RFNG: variants seen among roughly 807,000 people sequenced by gnomAD.
RFNG encodes beta-1,3-N-acetylglucosaminyltransferase radical fringe.
A neutral mutation model predicts 29.6 loss-of-function variants in RFNG; 37 were observed. The observed-to-expected ratio is 1.25, with a 90% confidence interval of 0.96 to 1.65. RFNG has a LOEUF of 1.65. Among genes scored for constraint, RFNG ranks in the 40% most tolerant of loss-of-function variants. The probability of loss-of-function intolerance (pLI) is 0.00; values close to 1 mark genes in which losing one functional copy is unlikely to be tolerated. For missense variants in RFNG, 546 were observed against 457.0 expected (o/e 1.19, Z -1.78); for synonymous variants, 276 against 197.3 (o/e 1.40, Z -3.34).
intron 4 of RFNG, 128 bp from the exon 5 acceptor site, chr17:82,050,134 T>C (rs2030243077): frequency 2.2e-6 from 2 of 929,300 alleles, no homozygotes; most frequent in Admixed American, 2.4e-5. Context: ...AGAAGCTTCT[T>C]GGAGCAAAAA....
At chr17:82,050,229 G>T in intron 4 of RFNG, 173 bp downstream of exon 4, 1 of 862,716 alleles carries the variant, frequency 1.2e-6, no homozygotes, top group South Asian at 1.8e-5. Context: ...GCCCAGTACG[G>T]TGAGGGCCTC....
chr17:82,048,551 G>A lies in RFNG; in HGVS notation c.*175C>T, dbSNP rs12452625. On this transcript the variant is annotated 3_prime_UTR_variant, in exon 8 of 8. Coordinates refer to ENST00000310496, the MANE Select transcript of RFNG (RefSeq NM_002917.2). ...TCGTTCTCCCAAAACACCCATCACC[G>A]CAGCCCACCAGGGGCTGGGAGAGGG... 0.022 allele frequency: 13,629 copies of A among 619,702 alleles called. 883 individuals carry two copies. Among genetic ancestry groups the A allele is most frequent in the East Asian group, 0.16 (5,889 of 36,668 alleles). The allele number at this position is 619,702 out of a possible 1,614,324, so 38.4% of individuals were successfully genotyped here.
Position 82,049,124 on chromosome 17 carries a change from G to T in RFNG, c.829-8C>A, listed in dbSNP as rs753078716. 1.9e-6 allele frequency: 3 copies of T among 1,611,192 alleles called. No homozygotes were observed. The highest frequency in any genetic ancestry group is 1.7e-5 in the Admixed American group (1 of 59,942). On this transcript the variant is annotated splice_region_variant and splice_polypyrimidine_tract_variant and intron_variant, in intron 6 of 7. Transcript: ENST00000310496. ...CCCATGGCTCAAGGTAACCTGGGAG[G>T]GAAGGGTGTGGGCAGAGTGTGTGGC...
intron 4 of RFNG, 27 bp from the exon 5 acceptor site, chr17:82,050,033 G>T: frequency 6.4e-7 from 1 of 1,567,952 alleles, no homozygotes; most frequent in Non-Finnish European, 8.7e-7. Flanking sequence ...GGTCAGAGCT[G>T]CCCAGGACAG....
In RFNG at chr17:82,049,274, C is replaced by T. The variant is rs571779937; in HGVS notation, c.829-158G>A. The T allele has an allele frequency of 7.0e-6, 5 of 718,748 alleles. No homozygotes were observed. In the East Asian group the frequency reaches 1.3e-4, roughly 19 times the overall value. The allele number at this position is 718,748 out of a possible 1,614,324, so 44.5% of individuals were successfully genotyped here. A position where few individuals can be genotyped will look rare whatever the true frequency, so the allele number is the denominator to read the frequency against. ...AAACAGCATTGAAGCATGGCATGAGCTGAGTAGGGGGACACCTCAGGCAGA... is the reference window on the plus strand; with the variant it reads ...AAACAGCATTGAAGCATGGCATGAGTTGAGTAGGGGGACACCTCAGGCAGA... On this transcript the variant is annotated intron_variant, in intron 6 of 7. Transcript: ENST00000310496.
chr17:82,050,617 C>T (rs2030364259), intron 3 of RFNG, 45 bp downstream of exon 3: 1 of 1,608,780 alleles, frequency 6.2e-7, no homozygotes, highest in Middle Eastern at 1.7e-4. Context: ...GGCCCCCACC[C>T]AGCTTGGCTC....
chr17:82,049,145 G>A (rs768388553), intron 6 of RFNG, 29 bp from the exon 7 acceptor site: 10 of 1,583,988 alleles, frequency 6.3e-6, no homozygotes, highest in Admixed American at 1.7e-5. Context: ...GGCAGAGTGT[G>A]TGGCCTGGTC....
intron 2 of RFNG, 149 bp from the exon 3 acceptor site, chr17:82,050,913 C>A: frequency 1.4e-6 from 2 of 1,400,258 alleles, no homozygotes; most frequent in South Asian, 2.9e-5. Flanking sequence ...CAGCCCTAGC[C>A]CTCACGCGCT....
chr17:82,050,612 C>T (rs765306815), intron 3 of RFNG, 50 bp downstream of exon 3: 5 of 1,608,560 alleles, frequency 3.1e-6, no homozygotes, highest in East Asian at 4.5e-5. Flanking sequence ...CAGGAGGCCC[C>T]CACCCAGCTT....
In RFNG at chr17:82,051,614, A is replaced by T; in HGVS notation, c.153T>A (p.Ala51=). 2 of 1,212,784 alleles carry T rather than the reference A, an allele frequency of 1.6e-6. No individual in the cohort carries two copies. Among genetic ancestry groups the T allele is most frequent in the Non-Finnish European group, 2.1e-6 (2 of 973,460 alleles). 75.1% of individuals were successfully genotyped at this position (1,212,784 alleles called of 1,614,324 possible). A position where few individuals can be genotyped will look rare whatever the true frequency, so the allele number is the denominator to read the frequency against. ...CGTCGTCAGGCCGCAGGCTGGGGGCAGCGGGCCGGGACGGGGGCGCGCGCG... is the reference window on the plus strand; with the variant it reads ...CGTCGTCAGGCCGCAGGCTGGGGGCTGCGGGCCGGGACGGGGGCGCGCGCG... The part of the protein sequence containing the change: ...PAPRAPPSRP[A]APSLRPDDVF... The change falls in exon 1 of 8, where the codon GCT becomes GCA. Residue 51 remains alanine (A), a synonymous_variant. Transcript: ENST00000310496. The surrounding 1 kb of genome is among the most constrained non-coding windows in gnomAD (Gnocchi z 4.1).
At chr17:82,050,880 G>A in intron 2 of RFNG, 116 bp from the exon 3 acceptor site, 5 of 1,417,234 alleles carry the variant, frequency 3.5e-6, no homozygotes, top group Non-Finnish European at 4.8e-6. Flanking sequence ...GACATGCCTG[G>A]ACACCTTGCC....
In RFNG at chr17:82,047,907, T is replaced by C. The variant is rs2030033442; in HGVS notation, c.*819A>G. The C allele has an allele frequency of 6.6e-6, 1 of 151,854 alleles. No homozygotes were observed. Among genetic ancestry groups the C allele is most frequent in the South Asian group, 2.1e-4 (1 of 4,810 alleles). The allele number at this position is 151,854 out of a possible 1,614,324, so 9.4% of individuals were successfully genotyped here. A position where few individuals can be genotyped will look rare whatever the true frequency, so the allele number is the denominator to read the frequency against. Reference sequence around the variant, plus strand: ...TGACTAAGACAGGAGCCACGTGAAGTAAGAACAAAAGCTTTACTCGTGCTC... The same window carrying C: ...TGACTAAGACAGGAGCCACGTGAAGCAAGAACAAAAGCTTTACTCGTGCTC... On this transcript the variant is annotated 3_prime_UTR_variant, in exon 8 of 8. Transcript: ENST00000310496.
At position 82,051,562 on chromosome 17, in the gene RFNG, TC is replaced by T; in HGVS notation, c.204del (p.Lys69ArgfsTer83). ...AGCCGCAGGCGCGGCCCGTGGTTCT[TC>T]CGGGTGGTCTTGACGGCGATGAAGA... ...DDVFIAVKTT[R>X]KNHGPRLRLL... On this transcript the variant is annotated frameshift_variant, in exon 1 of 8. Coordinates refer to ENST00000310496, the MANE Select transcript of RFNG (RefSeq NM_002917.2). LOFTEE classifies it high-confidence loss of function. The surrounding 1 kb of genome is among the most constrained non-coding windows in gnomAD (Gnocchi z 4.1). 7.2e-7 allele frequency: 1 copy of T among 1,387,712 alleles called. No individual in the cohort carries two copies. The highest frequency in any genetic ancestry group is 9.4e-7 in the Non-Finnish European group (1 of 1,066,398). The allele number at this position is 1,387,712 out of a possible 1,614,324, so 86.0% of individuals were successfully genotyped here. A position where few individuals can be genotyped will look rare whatever the true frequency, so the allele number is the denominator to read the frequency against.
At chr17:82,048,842 G>GTA in intron 7 of RFNG, 35 bp from the exon 8 acceptor site, 5 of 1,583,946 alleles carry the variant, frequency 3.2e-6, no homozygotes, top group Admixed American at 3.3e-5. Context: ...AGGGCCGTGG[G>GTA]CGGAGAGAGA....
intron 4 of RFNG, 96 bp downstream of exon 4, chr17:82,050,306 G>T (rs946393649): frequency 1.4e-6 from 2 of 1,391,368 alleles, no homozygotes; most frequent in Non-Finnish European, 1.9e-6. Context: ...CCAACCCTAT[G>T]CCCTTCTCAA....
chr17:82,051,024 G>A lies in RFNG; in HGVS notation c.317-260C>T, dbSNP rs1240709018. ...AGCTCGCCCTGACCTGGCCTGGAAG[G>A]GCGGATTCCCTGCTGGCGCTTCTTC... On this transcript the variant is annotated intron_variant, in intron 2 of 7. Transcript: ENST00000310496. The surrounding 1 kb of genome is among the most constrained non-coding windows in gnomAD (Gnocchi z 4.1). 5 of 1,396,978 alleles carry A rather than the reference G, an allele frequency of 3.6e-6. No homozygotes were observed. The highest frequency in any genetic ancestry group is 1.5e-5 in the African/African-American group (1 of 68,688). The allele number at this position is 1,396,978 out of a possible 1,614,324, so 86.5% of individuals were successfully genotyped here. A position where few individuals can be genotyped will look rare whatever the true frequency, so the allele number is the denominator to read the frequency against.
At chr17:82,048,985 G>A (rs774884692) in intron 7 of RFNG, 46 bp downstream of exon 7, 23 of 1,575,694 alleles carry the variant, frequency 1.5e-5, no homozygotes, top group Non-Finnish European at 1.9e-5. Flanking sequence ...GCTGATGCCA[G>A]AGCCCCTGCG....
In RFNG at chr17:82,048,427, TGC is replaced by T; in HGVS notation, c.*297_*298del. 2.4e-6 allele frequency: 1 copy of T among 424,016 alleles called. No homozygotes were observed. The highest frequency in any genetic ancestry group is 4.4e-6 in the Non-Finnish European group (1 of 228,360). 26.3% of individuals were successfully genotyped at this position (424,016 alleles called of 1,614,324 possible). ...GCCCGGATGGCAGCTCCCTCCCAGG[TGC>T]GCAAGTGCTGGGGTGGAAGCCTGTT... On this transcript the variant is annotated 3_prime_UTR_variant, in exon 8 of 8. Transcript: ENST00000310496.
chr17:82,048,976 C>CAGCGGGGG, intron 7 of RFNG, 55 bp downstream of exon 7: 1 of 1,559,380 alleles, frequency 6.4e-7, no homozygotes, highest in Non-Finnish European at 8.7e-7. Context: ...GTAGAGGGAG[C>CAGCGGGGG]TGATGCCAGA....
Sources: gnomAD v4.1 joint callset for allele counts on GRCh38, gnomAD v4.1.1 for gene constraint, Gnocchi (gnomAD v3.1) non-coding constraint, MANE v1.5 for transcripts, NCBI Gene and HGNC (gene_info 2026-07-23, HGNC 2026-07-21) for gene names.